FBXL17: variants seen among roughly 807,000 people sequenced by gnomAD.
FBXL17 encodes the protein F-box and leucine rich repeat protein 17, also known as F-box/LRR-repeat protein 17.
FBXL17 carries 22 observed loss-of-function variants against 66.2 expected under a neutral mutation model. The ratio of observed to expected loss-of-function variants is 0.33; its 90% CI spans 0.24 to 0.47. The LOEUF (loss-of-function observed/expected upper bound fraction) is 0.47. FBXL17 is among the 20% of genes least tolerant of loss of function. The pLI, the probability that FBXL17 is intolerant of heterozygous loss-of-function variation, is 1.00. For synonymous variants in FBXL17, 474 were observed against 400.5 expected (o/e 1.18, Z -2.19); for missense variants, 878 against 948.2 (o/e 0.93, Z 0.97).
At chr5:108,150,349 A>G (rs1751722372) in intron 6 of FBXL17, among the ~76,000 whole-genome samples, 1 of 152,130 alleles carries the variant, frequency 6.6e-6, no homozygotes, top group East Asian at 1.9e-4. Flanking sequence ...GACCACAGGC[A>G]CATGCCACCA....
At chr5:108,302,621 CT>C (rs1205151782) in intron 4 of FBXL17, among the ~76,000 whole-genome samples, 1 of 151,686 alleles carries the variant, frequency 6.6e-6, no homozygotes, top group African/African-American at 2.4e-5. Flanking sequence ...CCTAATTGAA[CT>C]GTTAATTTTA....
chr5:108,237,375 A>G (rs1755652796), intron 4 of FBXL17, among the ~76,000 whole-genome samples: 2 of 152,156 alleles, frequency 1.3e-5, no homozygotes, highest in African/African-American at 2.4e-5. Context: ...ATCTCTGGGA[A>G]TATTTTAATC....
intron 7 of FBXL17, among the ~76,000 whole-genome samples, chr5:107,932,455 AG>A (rs1488294365): frequency 6.6e-6 from 1 of 152,194 alleles, no homozygotes; most frequent in African/African-American, 2.4e-5. Context: ...TGTAAAGAAG[AG>A]GAAAGTGCTC....
chr5:108,053,483 CAG>C (rs1561387315), intron 6 of FBXL17, among the ~76,000 whole-genome samples: 1 of 151,876 alleles, frequency 6.6e-6, no homozygotes, highest in East Asian at 1.9e-4. Flanking sequence ...ACCTAGACAA[CAG>C]AGTGAGACTC....
intron 7 of FBXL17, among the ~76,000 whole-genome samples, chr5:107,896,593 C>T (rs1336271149): frequency 6.6e-6 from 1 of 152,070 alleles, no homozygotes; most frequent in Non-Finnish European, 1.5e-5. Flanking sequence ...ATGTTTAATG[C>T]AATACTGTAA....
At chr5:108,012,978 C>T (rs1479693636) in intron 7 of FBXL17, among the ~76,000 whole-genome samples, 4 of 124,974 alleles carry the variant, frequency 3.2e-5, no homozygotes, top group Non-Finnish European at 6.2e-5. Flanking sequence ...CGCACCATTG[C>T]ATTCCAGTCT....
At chr5:108,243,629 A>T (rs1755962288) in intron 4 of FBXL17, among the ~76,000 whole-genome samples, 1 of 152,180 alleles carries the variant, frequency 6.6e-6, no homozygotes, top group South Asian at 2.1e-4. Context: ...AACTCTCTGA[A>T]AGTAAAGAAA....
intron 8 of FBXL17, chr5:107,879,626 ACAAGAGCTTTGGGC>A: frequency 4.1e-6 from 4 of 985,468 alleles, no homozygotes; most frequent in Non-Finnish European, 4.8e-6. Flanking sequence ...CACAAAGGAC[ACAAGAGCTTTGGGC>A]CATACTTCAT....
chr5:108,101,291 C>G (rs997917408), intron 6 of FBXL17, among the ~76,000 whole-genome samples: 2 of 152,178 alleles, frequency 1.3e-5, no homozygotes, highest in Non-Finnish European at 2.9e-5. Context: ...ATTTTATTTC[C>G]AAAGGAACAC....
At chr5:108,169,486 T>C (rs1752529521) in intron 6 of FBXL17, among the ~76,000 whole-genome samples, 1 of 152,244 alleles carries the variant, frequency 6.6e-6, no homozygotes, top group Non-Finnish European at 1.5e-5. Flanking sequence ...TCTTGACATA[T>C]TTTGTCATCT....
intron 5 of FBXL17, among the ~76,000 whole-genome samples, chr5:108,204,526 A>G (rs545691531): frequency 1.2e-4 from 18 of 152,256 alleles, no homozygotes; most frequent in Admixed American, 9.8e-4. Flanking sequence ...AATCATTTGT[A>G]CTGATTTGAT....
intron 6 of FBXL17, among the ~76,000 whole-genome samples, chr5:108,021,993 C>T (rs114020460): frequency 0.016 from 2,480 of 151,868 alleles, 31 homozygotes; most frequent in Non-Finnish European, 0.026. Context: ...ATTTTATTTG[C>T]TGTCTGGCTT....
chr5:108,186,160 G>C lies in FBXL17; in HGVS notation c.1702C>G (p.Leu568Val). Residue 568 changes from leucine (L) to valine (V), a missense_variant, in exon 6 of 9, where the codon CTT (leucine) becomes GTT (valine). Around this residue, in one of 4 missense-constraint regions of FBXL17, gnomAD observed 236 missense variants for 389.1 expected, o/e 0.61. Coordinates refer to ENST00000542267, the MANE Select transcript of FBXL17 (RefSeq NM_001163315.3). ...TTCAGACAGAGATTGAGAGAGCTAA[G>C]ATTTTTGCACCTCTTGACAATTTCC... ...VMEIVKRCKN[L>V]SSLNLCLNWI... 2.5e-6 allele frequency: 4 copies of C among 1,612,578 alleles called. No individual in the cohort carries two copies. The highest frequency in any genetic ancestry group is 2.5e-6 in the Non-Finnish European group (3 of 1,178,794).
chr5:108,115,447 A>G (rs1202040607), intron 6 of FBXL17, among the ~76,000 whole-genome samples: 1 of 152,138 alleles, frequency 6.6e-6, no homozygotes, highest in African/African-American at 2.4e-5. Context: ...CTTATTTTTT[A>G]CACTAACTGT....
intron 4 of FBXL17, among the ~76,000 whole-genome samples, chr5:108,252,451 T>TA (rs935821997): frequency 7.5e-4 from 111 of 148,918 alleles, no homozygotes; most frequent in Middle Eastern, 3.4e-3. Flanking sequence ...CTATGTTGTT[T>TA]AAAAAAAAAA....
chr5:107,968,376 C>T (rs1356853283), intron 7 of FBXL17, among the ~76,000 whole-genome samples: 1 of 152,056 alleles, frequency 6.6e-6, no homozygotes, highest in African/African-American at 2.4e-5. Context: ...ATAAAGTAAA[C>T]CGAGATGTAA....
At chr5:108,189,414 G>C (rs1753376769) in intron 5 of FBXL17, among the ~76,000 whole-genome samples, 2 of 151,948 alleles carry the variant, frequency 1.3e-5, no homozygotes, top group Non-Finnish European at 2.9e-5. Context: ...TTTTTTTGTT[G>C]TTATTTTTCA....
In FBXL17 at chr5:108,372,126, CA is replaced by C. The variant is rs536697385; in HGVS notation, c.994-4174del. 2.6e-5 allele frequency among the ~76,000 whole-genome samples: 4 copies of C among 152,286 alleles called. No homozygotes were observed. In the South Asian group the frequency reaches 8.3e-4, roughly 32 times the overall value. On this transcript the variant is annotated intron_variant, in intron 1 of 8. Transcript: ENST00000542267. Reference sequence around the variant, plus strand: ...TCATATAATCCTGTCCAAGTGCCACCAAATGAAGCTTGTTGTGTGTTACCAC... The same window carrying C: ...TCATATAATCCTGTCCAAGTGCCACCAATGAAGCTTGTTGTGTGTTACCAC...
chr5:108,058,419 TTTC>T (rs1345129195), intron 6 of FBXL17, among the ~76,000 whole-genome samples: 2 of 29,024 alleles, frequency 6.9e-5, no homozygotes, highest in African/African-American at 1.3e-4. Context: ...TTTCTCTTTC[TTTC>T]TTCTTTCTTT....
Sources: allele counts gnomAD v4.1 joint callset (sites outside exome capture counted in the v4.1 genomes callset), GRCh38; gene constraint gnomAD v4.1.1; regional missense constraint gnomAD v4.1.1; transcripts MANE v1.5; gene names NCBI Gene and HGNC (gene_info 2026-07-23, HGNC 2026-07-21).